The following PDIA2 variants were observed in gnomAD, a reference collection of about 807,000 sequenced individuals.
PDIA2 encodes protein disulfide-isomerase A2.
In PDIA2, 76 loss-of-function variants were observed where a neutral mutation model predicts 51.1. The observed-to-expected ratio is 1.49, with a 90% CI of 1.24 to 1.80. The LOEUF (loss-of-function observed/expected upper bound fraction) is 1.80. Among genes scored for constraint, PDIA2 ranks in the 40% most tolerant of loss-of-function variants. The probability of loss-of-function intolerance (pLI) is 0.00; values close to 1 mark genes in which losing one functional copy is unlikely to be tolerated. For missense variants in PDIA2, 946 were observed against 706.5 expected (o/e 1.34, Z -3.84); for synonymous variants, 429 against 309.9 (o/e 1.38, Z -4.04).
At chr16:286,084 C>A (rs1247037024) in intron 7 of PDIA2, among the ~76,000 whole-genome samples, 3 of 120,652 alleles carry the variant, frequency 2.5e-5, no homozygotes. Flanking sequence ...TCCCTCCCCC[C>A]ACCAAACCCC....
chr16:286,539 C>CGA lies in PDIA2; in HGVS notation c.1241-14_1241-13insAG, dbSNP rs1567251742. 1 of 1,612,474 alleles carries CGA rather than the reference C, an allele frequency of 6.2e-7. No individual in the cohort carries two copies. Among genetic ancestry groups the CGA allele is most frequent in the Non-Finnish European group, 8.5e-7 (1 of 1,179,700 alleles). On this transcript the variant is annotated splice_polypyrimidine_tract_variant and intron_variant, in intron 8 of 10. Coordinates refer to ENST00000219406, the MANE Select transcript of PDIA2 (RefSeq NM_006849.4). ...GGGCTGCCCAGATGGCTGTGCTCAA[C>CGA]GGCTCCCATCCTAGATGCCCCGTGG...
In PDIA2 at chr16:286,962, C is replaced by T. The variant is rs1285572259; in HGVS notation, c.1533+17C>T. 2 of 1,604,306 alleles carry T rather than the reference C, an allele frequency of 1.2e-6. No homozygotes were observed. Among genetic ancestry groups the T allele is most frequent in the Non-Finnish European group, 1.7e-6 (2 of 1,176,070 alleles). Reference sequence around the variant, plus strand: ...CCGTTCCCGGTGGGTGTCCCTAAGCCAGGGCTCCAGGCCTCTGCACAAATC... The same window carrying T: ...CCGTTCCCGGTGGGTGTCCCTAAGCTAGGGCTCCAGGCCTCTGCACAAATC... On this transcript the variant is annotated intron_variant, in intron 10 of 10. Coordinates refer to ENST00000219406, the MANE Select transcript of PDIA2 (RefSeq NM_006849.4).
chr16:283,329 C>T lies in PDIA2; in HGVS notation c.160C>T (p.Leu54=), dbSNP rs376865422. The change falls in exon 1 of 11, where the codon CTG becomes TTG. Residue 54 remains leucine, a synonymous_variant. Coordinates refer to ENST00000219406, the MANE Select transcript of PDIA2 (RefSeq NM_006849.4). ...GGTGCTGAGCCGCCACACCCTGGGC[C>T]TGGCCCTGCGGGAGCACCCTGCCCT... ...ILVLSRHTLG[L]ALREHPALLV... The T allele has an allele frequency of 1.4e-5, 23 of 1,609,590 alleles. No homozygotes were observed. In the Admixed American group the frequency reaches 3.4e-4, roughly 23 times the overall value.
rs1376037387 is a variant in PDIA2, at chr16:285,206, T to C, written c.795+6T>C. On this transcript the variant is annotated splice_donor_region_variant and intron_variant, in intron 5 of 10. Coordinates refer to ENST00000219406, the MANE Select transcript of PDIA2 (RefSeq NM_006849.4). ...TCACGGAGTTCAACAGCCAGGTGCG[T>C]AGGCTGCAGTGCCTGGGCTGGGGGT... 3.7e-6 allele frequency: 6 copies of C among 1,612,686 alleles called. No individual in the cohort carries two copies. Among genetic ancestry groups the C allele is most frequent in the Non-Finnish European group, 5.1e-6 (6 of 1,179,982 alleles).
Position 284,757 on chromosome 16 carries a change from G to A in PDIA2, c.505G>A (p.Gly169Ser), listed in dbSNP as rs201182745. 7.6e-5 allele frequency: 119 copies of A among 1,563,300 alleles called. No individual in the cohort carries two copies. In the African/African-American group the frequency reaches 1.2e-3, roughly 16 times the overall value. Residue 169 changes from glycine (G) to serine (S), a missense_variant, in exon 3 of 11, where the codon GGT becomes AGT. By Grantham distance (56) the Gly-to-Ser change is moderately conservative (BLOSUM62 0). Transcript: ENST00000219406. Reference sequence around the variant, plus strand: ...CGAGGCGGCCGCCCAGGCGCTGATCGGTGGCCGGGACCTAGTGGTCATTGG... The same window carrying A: ...CGAGGCGGCCGCCCAGGCGCTGATCAGTGGCCGGGACCTAGTGGTCATTGG... The part of the protein sequence containing the change: ...EDEAAAQALI[G>S]GRDLVVIGFF...
rs958809173 is a variant in PDIA2 at position 284,436 on chromosome 16, G to C, written c.249G>C (p.Lys83Asn). 1 of 1,590,898 alleles carries C rather than the reference G, an allele frequency of 6.3e-7. No individual in the cohort carries two copies. Among genetic ancestry groups the C allele is most frequent in the African/African-American group, 1.3e-5 (1 of 74,718 alleles). Residue 83 changes from lysine to asparagine, a missense_variant, in exon 2 of 11, where the codon AAG (lysine) becomes AAC (asparagine). By Grantham distance (94) the Lys-to-Asn change is moderately conservative. Coordinates refer to ENST00000219406, the MANE Select transcript of PDIA2 (RefSeq NM_006849.4). ...HCQALAPEYS[K>N]AAAVLAAESM... ...AGGCCCTGGCCCCCGAGTACAGCAA[G>C]GCAGCTGCCGTGCTCGCGGCCGAGT...
chr16:284,552 T>A lies in PDIA2; in HGVS notation c.365T>A (p.Phe122Tyr). ...FGVTEYPTLK[F>Y]FRNGNRTHPE... ...GTGACGGAGTACCCTACGCTCAAGT[T>A]CTTCCGCAATGGGAACCGCACGCAC... Residue 122 changes from phenylalanine (F) to tyrosine (Y), a missense_variant, in exon 2 of 11, where the codon TTC becomes TAC. Coordinates refer to ENST00000219406, the MANE Select transcript of PDIA2 (RefSeq NM_006849.4). 6.2e-7 allele frequency: 1 copy of A among 1,612,786 alleles called. No individual in the cohort carries two copies. The highest frequency in any genetic ancestry group is 8.5e-7 in the Non-Finnish European group (1 of 1,179,768).
rs373601500 is a variant in PDIA2 at position 286,445 on chromosome 16, C to G, written c.1212C>G (p.Asp404Glu). The G allele has an allele frequency of 5.8e-5, 93 of 1,613,002 alleles. No individual in the cohort carries two copies. Among genetic ancestry groups the G allele is most frequent in the South Asian group, 8.8e-5 (8 of 91,050 alleles). ...VGKNFEQVAF[D>E]ETKNVFVKFY... ...AGAATTTTGAGCAGGTGGCTTTTGACGAAACCAAGAATGTGTTTGTCAAGT... is the reference window on the plus strand; with the variant it reads ...AGAATTTTGAGCAGGTGGCTTTTGAGGAAACCAAGAATGTGTTTGTCAAGT... The change falls in exon 8 of 11, where the codon GAC becomes GAG. Residue 404 changes from aspartate (D) to glutamate (E), a missense_variant. Transcript: ENST00000219406.
Position 286,902 on chromosome 16 carries a change from TGCCCACGGAGGA to T in PDIA2, c.1495_1506del (p.Thr499_Pro502del), listed in dbSNP as rs1223094487. 4 of 1,602,142 alleles carry T rather than the reference TGCCCACGGAGGA, an allele frequency of 2.5e-6. No homozygotes were observed. Among genetic ancestry groups the T allele is most frequent in the Non-Finnish European group, 3.4e-6 (4 of 1,176,236 alleles). ...AAGTTCCTGGACAACGGGGGCGTGC[TGCCCACGGAGGA>T]GCCCCCGGAGGAGCCAGCAGCCCCG... On this transcript the variant is annotated inframe_deletion, in exon 10 of 11. Transcript: ENST00000219406.
At position 286,904 on chromosome 16, in the gene PDIA2, C is replaced by A; in HGVS notation, c.1492C>A (p.Pro498Thr). ...GTTCCTGGACAACGGGGGCGTGCTG[C>A]CCACGGAGGAGCCCCCGGAGGAGCC... is the stretch of plus-strand genomic sequence containing the variant. ...SKFLDNGGVL[P>T]TEEPPEEPAA... The change falls in exon 10 of 11, where the codon CCC (proline) becomes ACC (threonine). Residue 498 changes from proline (P) to threonine (T), a missense_variant. Pro to Thr is a conservative substitution (Grantham distance 38). Coordinates refer to ENST00000219406, the MANE Select transcript of PDIA2 (RefSeq NM_006849.4). 2 of 1,601,604 alleles carry A rather than the reference C, an allele frequency of 1.2e-6. No individual in the cohort carries two copies. Among genetic ancestry groups the A allele is most frequent in the African/African-American group, 1.3e-5 (1 of 74,302 alleles).
Position 285,593 on chromosome 16 carries a change from C to T in PDIA2, c.1009C>T (p.Arg337Cys), listed in dbSNP as rs376635129. ...GLKAEAAPTL[R>C]LVNLETTKKY... ...CAAGGCTGAGGCAGCCCCCACTCTG[C>T]GCTTGGTCAACCTTGAAACCACTAA... Residue 337 changes from arginine to cysteine, a missense_variant, in exon 7 of 11, where the codon CGC becomes TGC. Coordinates refer to ENST00000219406, the MANE Select transcript of PDIA2 (RefSeq NM_006849.4). The T allele has an allele frequency of 9.8e-5, 158 of 1,613,166 alleles. No homozygotes were observed. Among genetic ancestry groups the T allele is most frequent in the Admixed American group, 2.0e-4 (12 of 59,986 alleles).
At position 287,093 on chromosome 16, in the gene PDIA2, G is replaced by C. The variant is rs747269171; in HGVS notation, c.1558G>C (p.Gly520Arg). ...FPEPPANSTM[G>R]SKEEL ...GGAGCCACCGGCCAACTCCACTATGGGGTCCAAGGAGGAACTGTAGCTGCC... is the reference window on the plus strand; with the variant it reads ...GGAGCCACCGGCCAACTCCACTATGCGGTCCAAGGAGGAACTGTAGCTGCC... Residue 520 changes from glycine (G) to arginine (R), a missense_variant, in exon 11 of 11, where the codon GGG (glycine) becomes CGG (arginine). Transcript: ENST00000219406. 1.5e-5 allele frequency: 24 copies of C among 1,612,832 alleles called. No individual in the cohort carries two copies. The highest frequency in any genetic ancestry group is 2.0e-5 in the Non-Finnish European group (24 of 1,179,974).
In PDIA2 at chr16:283,245, GCGAGGAGCCCCTC is replaced by G; in HGVS notation, c.77_89del (p.Ala26GlyfsTer18). On this transcript the variant is annotated frameshift_variant, in exon 1 of 11. Transcript: ENST00000219406. LOFTEE classifies it high-confidence loss of function. ...GTGCCCATGGGGTCAGGAACAGGGA[GCGAGGAGCCCCTC>G]GGAGGAGCCTCCAGAGGAGGAAATC... 3 of 1,610,586 alleles carry G rather than the reference GCGAGGAGCCCCTC, an allele frequency of 1.9e-6. No individual in the cohort carries two copies. Among genetic ancestry groups the G allele is most frequent in the Non-Finnish European group, 2.5e-6 (3 of 1,179,046 alleles).
rs199987128 is a variant in PDIA2, at chr16:284,446, G to A, written c.259G>A (p.Val87Met). The A allele has an allele frequency of 2.2e-5, 35 of 1,596,268 alleles. No homozygotes were observed. Among genetic ancestry groups the A allele is most frequent in the Middle Eastern group, 1.7e-4 (1 of 5,904 alleles). ...CCCCGAGTACAGCAAGGCAGCTGCC[G>A]TGCTCGCGGCCGAGTCAATGGTGGT... is the stretch of plus-strand genomic sequence containing the variant. The part of the protein sequence containing the change: ...LAPEYSKAAA[V>M]LAAESMVVTL... The change falls in exon 2 of 11, where the codon GTG becomes ATG. Residue 87 changes from valine (V) to methionine (M), a missense_variant. Physicochemically the swap from Val to Met is conservative, Grantham distance 21 (BLOSUM62 1). Coordinates refer to ENST00000219406, the MANE Select transcript of PDIA2 (RefSeq NM_006849.4).
Position 283,804 on chromosome 16 carries a change from TCACAGGCAGC to T in PDIA2, c.199+441_199+450del, listed in dbSNP as rs566974999. Among the ~76,000 whole-genome samples the T allele has an allele frequency of 3.9e-3, 593 of 152,296 alleles. 1 individual carries two copies. The highest frequency in any genetic ancestry group is 0.01 in the Middle Eastern group (3 of 294). On this transcript the variant is annotated intron_variant, in intron 1 of 10. Coordinates refer to ENST00000219406, the MANE Select transcript of PDIA2 (RefSeq NM_006849.4). Reference sequence around the variant, plus strand: ...GGAACTGTTCTTGCCTAGGAGGCCTTCACAGGCAGCCACATGGGCCCGGGAGCCCCAGCCA... The same window carrying T: ...GGAACTGTTCTTGCCTAGGAGGCCTTCACATGGGCCCGGGAGCCCCAGCCA...
chr16:283,485 G>T (rs746561699), intron 1 of PDIA2, 117 bp downstream of exon 1: 288 of 1,133,318 alleles, frequency 2.5e-4, no homozygotes, highest in Non-Finnish European at 3.2e-4. Flanking sequence ...CTCCCCGCAG[G>T]CACTTGCCCC....
rs758514889 is a variant in PDIA2 at position 283,302 on chromosome 16, T to C, written c.133T>C (p.Leu45=). The change falls in exon 1 of 11, where the codon TTG becomes CTG. Residue 45 remains leucine (L), a synonymous_variant. Coordinates refer to ENST00000219406, the MANE Select transcript of PDIA2 (RefSeq NM_006849.4). The part of the protein sequence containing the change: ...EEEIPKEDGI[L]VLSRHTLGLA... ...GGAAATCCCCAAGGAGGATGGGATC[T>C]TGGTGCTGAGCCGCCACACCCTGGG... 6.2e-7 allele frequency: 1 copy of C among 1,608,674 alleles called. No homozygotes were observed. The highest frequency in any genetic ancestry group is 1.1e-5 in the South Asian group (1 of 90,500).
In PDIA2 at chr16:285,012, G is replaced by C. The variant is rs45591741; in HGVS notation, c.675G>C (p.Lys225Asn). The C allele has an allele frequency of 9.4e-5, 152 of 1,613,388 alleles. No individual in the cohort carries two copies. In the African/African-American group the frequency reaches 1.9e-3, roughly 20 times the overall value. ...CCAAGGACACTGTGGTTCTCTTCAA[G>C]AAGGTAGGTCAGGCCCAGGTGTGGG... is the stretch of plus-strand genomic sequence containing the variant. ...GLTKDTVVLF[K>N]KFDEGRADFP... The change falls in exon 4 of 11, where the codon AAG becomes AAC. Residue 225 changes from lysine to asparagine, a missense_variant. Transcript: ENST00000219406.
chr16:284,805 G>T lies in PDIA2; in HGVS notation c.540+13G>T. 6.3e-7 allele frequency: 1 copy of T among 1,585,084 alleles called. No homozygotes were observed. On this transcript the variant is annotated intron_variant, in intron 3 of 10. Coordinates refer to ENST00000219406, the MANE Select transcript of PDIA2 (RefSeq NM_006849.4). ...TGGCTTCTTCCAGGTGAGCCACTGG[G>T]CATGGGGGGCCGGGCCATGAGGGCA...
Sources: gnomAD v4.1 joint callset for allele counts (sites outside exome capture counted in the v4.1 genomes callset) on GRCh38, gnomAD v4.1.1 for gene constraint, MANE v1.5 for transcripts, NCBI Gene and HGNC (gene_info 2026-07-23, HGNC 2026-07-21) for gene names.